ATRN: variants seen among roughly 807,000 people sequenced by gnomAD.
ATRN encodes the protein attractin-2.
A neutral mutation model predicts 178.7 loss-of-function variants in ATRN; 54 were observed. The ratio of observed to expected loss-of-function variants is 0.30; its 90% CI spans 0.24 to 0.38. The LOEUF (loss-of-function observed/expected upper bound fraction) is 0.38, where lower values mean the gene tolerates loss of function less well. Among genes scored for constraint, ATRN ranks in the 10% least tolerant of loss-of-function variants. ATRN has a pLI of 1.00. For missense variants in ATRN, 1,443 were observed against 1,815.1 expected (o/e 0.79, Z 3.73); for synonymous variants, 636 against 663.0 (o/e 0.96, Z 0.63).
intron 27 of ATRN, among the ~76,000 whole-genome samples, chr20:3,642,006 C>G (rs2087072932): frequency 6.6e-6 from 1 of 152,180 alleles, no homozygotes; most frequent in Non-Finnish European, 1.5e-5. Context: ...TATTGAACAA[C>G]ATGATATATG....
chr20:3,552,599 T>C (rs1383474174), intron 6 of ATRN, among the ~76,000 whole-genome samples: 1 of 152,242 alleles, frequency 6.6e-6, no homozygotes, highest in African/African-American at 2.4e-5. Context: ...TTTGCATTTA[T>C]TATCACCATT....
At chr20:3,575,189 C>T (rs2086190173) in intron 12 of ATRN, among the ~76,000 whole-genome samples, 1 of 152,178 alleles carries the variant, frequency 6.6e-6, no homozygotes, top group African/African-American at 2.4e-5. Context: ...GTCTTGAATT[C>T]CTGACCTTGT....
At chr20:3,527,433 G>A (rs2085382646) in intron 1 of ATRN, among the ~76,000 whole-genome samples, 1 of 152,168 alleles carries the variant, frequency 6.6e-6, no homozygotes, top group African/African-American at 2.4e-5. Flanking sequence ...AACAGATGCT[G>A]GAGAGGATGT....
chr20:3,495,745 G>T (rs930216527), intron 1 of ATRN, among the ~76,000 whole-genome samples: 2 of 151,776 alleles, frequency 1.3e-5, no homozygotes, highest in African/African-American at 2.4e-5. Flanking sequence ...GTACTACTGT[G>T]GGGGAGAATA....
chr20:3,616,760 C>A (rs555071701), intron 24 of ATRN, among the ~76,000 whole-genome samples: 1 of 152,114 alleles, frequency 6.6e-6, no homozygotes, highest in South Asian at 2.1e-4. Flanking sequence ...TGGAAGGAGC[C>A]AGGCCTAAGT....
chr20:3,490,727 C>G, intron 1 of ATRN: 1 of 795,238 alleles, frequency 1.3e-6, no homozygotes, highest in South Asian at 1.3e-5. Context: ...CATTTGGGTG[C>G]TTCTGGTGGA....
chr20:3,506,579 A>G (rs1375798221), intron 1 of ATRN, among the ~76,000 whole-genome samples: 1 of 151,168 alleles, frequency 6.6e-6, no homozygotes, highest in African/African-American at 2.4e-5. Flanking sequence ...AGTTGAGATC[A>G]TTGCCACTGC....
intron 6 of ATRN, 141 bp from the exon 7 acceptor site, chr20:3,559,252 T>C: frequency 1.5e-6 from 1 of 661,602 alleles, no homozygotes; most frequent in Non-Finnish European, 2.7e-6. Context: ...GTGTCAGGTT[T>C]ATTTGTGAAG....
At chr20:3,518,268 A>G (rs999111113) in intron 1 of ATRN, among the ~76,000 whole-genome samples, 1 of 152,078 alleles carries the variant, frequency 6.6e-6, no homozygotes, top group African/African-American at 2.4e-5. Context: ...TCTGACCCCA[A>G]ATTTCTACCG....
chr20:3,575,313 G>A (rs1209357747), intron 12 of ATRN, among the ~76,000 whole-genome samples: 1 of 152,196 alleles, frequency 6.6e-6, no homozygotes, highest in Non-Finnish European at 1.5e-5. Flanking sequence ...GTCTGTAGTA[G>A]CCCAGAAATT....
chr20:3,588,625 G>A (rs1323757499), intron 18 of ATRN, among the ~76,000 whole-genome samples: 7 of 152,070 alleles, frequency 4.6e-5, no homozygotes, highest in Admixed American at 3.9e-4. Context: ...TTCATGAGGG[G>A]GATATAAGTT....
intron 1 of ATRN, among the ~76,000 whole-genome samples, chr20:3,488,178 A>G (rs2084723859): frequency 6.6e-6 from 1 of 152,082 alleles, no homozygotes; most frequent in African/African-American, 2.4e-5. Context: ...AAATGATGTT[A>G]TATTGCAGAT....
chr20:3,628,291 T>C (rs2086960561), intron 25 of ATRN, among the ~76,000 whole-genome samples: 1 of 152,212 alleles, frequency 6.6e-6, no homozygotes, highest in Non-Finnish European at 1.5e-5. Flanking sequence ...AAGAAACTTC[T>C]GGAACACTGA....
chr20:3,522,632 C>T (rs1173410701), intron 1 of ATRN, among the ~76,000 whole-genome samples: 1 of 152,228 alleles, frequency 6.6e-6, no homozygotes, highest in African/African-American at 2.4e-5. Flanking sequence ...AGACACCTCC[C>T]ATCAGGGGTC....
At chr20:3,503,351 A>G (rs1430912090) in intron 1 of ATRN, among the ~76,000 whole-genome samples, 1 of 152,186 alleles carries the variant, frequency 6.6e-6, no homozygotes, top group Non-Finnish European at 1.5e-5. Context: ...CAACAAAGGA[A>G]ACCACAAATT....
At chr20:3,639,481 G>A (rs553824415) in intron 27 of ATRN, among the ~76,000 whole-genome samples, 38 of 152,220 alleles carry the variant, frequency 2.5e-4, no homozygotes, top group African/African-American at 8.7e-4. Context: ...TCGAACTCCT[G>A]ACTTCAAGCA....
At chr20:3,507,694 ATT>A (rs55823401) in intron 1 of ATRN, among the ~76,000 whole-genome samples, 24,781 of 113,642 alleles carry the variant, frequency 0.22, 1,919 homozygotes, top group Non-Finnish European at 0.24. Context: ...AGTTAAAAAT[ATT>A]TTTTTTTTTT....
chr20:3,646,275 A>T (rs1460691664), intron 28 of ATRN, among the ~76,000 whole-genome samples: 2 of 152,184 alleles, frequency 1.3e-5, no homozygotes, highest in African/African-American at 4.8e-5. Context: ...GAATCTCGTC[A>T]TAAAGCGTGC....
At position 3,646,262 on chromosome 20, in the gene ATRN, T is replaced by C. The variant is rs2146329702; in HGVS notation, c.4166-461T>C. ...ATGCTGACTGAGTGATAGGGGTGAATCTGAATCTCGTCATAAAGCGTGCTG... is the reference window on the plus strand; with the variant it reads ...ATGCTGACTGAGTGATAGGGGTGAACCTGAATCTCGTCATAAAGCGTGCTG... On this transcript the variant is annotated intron_variant, in intron 28 of 28. Transcript: ENST00000262919. Among the ~76,000 whole-genome samples the C allele has an allele frequency of 1.3e-5, 2 of 152,254 alleles. 1 individual carries two copies. Among genetic ancestry groups the C allele is most frequent in the South Asian group, 4.2e-4 (2 of 4,818 alleles).
Sources: allele counts gnomAD v4.1 joint callset (sites outside exome capture counted in the v4.1 genomes callset), GRCh38; gene constraint gnomAD v4.1.1; transcripts MANE v1.5; gene names NCBI Gene and HGNC (gene_info 2026-07-23, HGNC 2026-07-21).